The following L3MBTL3 variants were observed in gnomAD, a reference collection of about 807,000 sequenced individuals.
L3MBTL3 encodes L3MBTL histone methyl-lysine binding protein 3, also known as lethal(3)malignant brain tumor-like protein 3.
A neutral mutation model predicts 102.3 loss-of-function variants in L3MBTL3; 27 were observed. The ratio of observed to expected loss-of-function variants is 0.26; its 90% CI spans 0.19 to 0.36. The LOEUF (loss-of-function observed/expected upper bound fraction) is 0.36. Ranked by LOEUF, L3MBTL3 falls within the 10% of genes least tolerant of loss-of-function variation. The pLI, the probability that L3MBTL3 is intolerant of heterozygous loss-of-function variation, is 1.00. For synonymous variants in L3MBTL3, 340 were observed against 320.9 expected (o/e 1.06, Z -0.64); for missense variants, 798 against 955.3 (o/e 0.84, Z 2.17).
chr6:130,122,661 A>G (rs572702187), intron 20 of L3MBTL3, among the ~76,000 whole-genome samples: 1 of 152,248 alleles, frequency 6.6e-6, no homozygotes, highest in Non-Finnish European at 1.5e-5. Context: ...TATTTAATAT[A>G]TGAAGGTTTT....
In L3MBTL3 at chr6:130,076,469, AG is replaced by A. The variant is rs569744129; in HGVS notation, c.1245-2087del. On this transcript the variant is annotated intron_variant, in intron 13 of 22. Coordinates refer to ENST00000361794, the MANE Select transcript of L3MBTL3 (RefSeq NM_032438.4). ...TATAAGCATGGATTTTTTTTAAAATAGGTTATTTCTTTGGTTTCTGGCCCTT... is the reference window on the plus strand; with the variant it reads ...TATAAGCATGGATTTTTTTTAAAATAGTTATTTCTTTGGTTTCTGGCCCTT... 1.1e-4 allele frequency among the ~76,000 whole-genome samples: 17 copies of A among 152,222 alleles called. No homozygotes were observed. In the East Asian group the frequency reaches 3.3e-3, roughly 29 times the overall value.
chr6:130,109,717 C>T (rs1162094987), intron 19 of L3MBTL3, among the ~76,000 whole-genome samples: 1 of 152,138 alleles, frequency 6.6e-6, no homozygotes, highest in Non-Finnish European at 1.5e-5. Context: ...TTGATTAGAT[C>T]CCATTTGTCA....
At chr6:130,093,444 T>C (rs991407893) in intron 17 of L3MBTL3, among the ~76,000 whole-genome samples, 4 of 152,200 alleles carry the variant, frequency 2.6e-5, no homozygotes, top group African/African-American at 9.6e-5. Flanking sequence ...TTAAAAAATT[T>C]AGTGTACTTC....
chr6:130,054,314 G>A (rs1051865297), intron 7 of L3MBTL3, among the ~76,000 whole-genome samples: 5 of 152,172 alleles, frequency 3.3e-5, no homozygotes, highest in Non-Finnish European at 7.3e-5. Flanking sequence ...AACAAGAGTC[G>A]AGGGTGTTCA....
chr6:130,105,997 C>G (rs527460679), intron 19 of L3MBTL3, among the ~76,000 whole-genome samples: 77 of 152,268 alleles, frequency 5.1e-4, no homozygotes, highest in African/African-American at 1.7e-3. Context: ...GTTCTGTCTT[C>G]TGTTCACGTG....
chr6:130,060,718 T>G (rs1433898242), intron 10 of L3MBTL3, among the ~76,000 whole-genome samples: 5 of 151,502 alleles, frequency 3.3e-5, no homozygotes, highest in Non-Finnish European at 7.4e-5. Context: ...TTTTTTTTAG[T>G]ATTTTAAGGT....
intron 16 of L3MBTL3, 25 bp from the exon 17 acceptor site, chr6:130,092,720 C>T (rs1784135095): frequency 7.0e-7 from 1 of 1,433,996 alleles, no homozygotes; most frequent in East Asian, 2.3e-5. Flanking sequence ...TTAATTTGTA[C>T]TGTTAATGTC....
At chr6:130,042,039 A>G (rs551990413) in intron 2 of L3MBTL3, among the ~76,000 whole-genome samples, 8 of 152,330 alleles carry the variant, frequency 5.3e-5, no homozygotes, top group African/African-American at 1.4e-4. Context: ...TCAGTTGTCT[A>G]TGATACCAAC....
At chr6:130,127,507 A>G (rs957412067) in intron 20 of L3MBTL3, among the ~76,000 whole-genome samples, 2 of 152,238 alleles carry the variant, frequency 1.3e-5, no homozygotes, top group African/African-American at 4.8e-5. Context: ...TTTCTGATAC[A>G]GTACAGTGCT....
At chr6:130,120,616 G>T (rs891526582) in intron 19 of L3MBTL3, among the ~76,000 whole-genome samples, 2 of 152,180 alleles carry the variant, frequency 1.3e-5, no homozygotes, top group Admixed American at 6.6e-5. Flanking sequence ...TTATTCAATA[G>T]CTACATTTTC....
intron 4 of L3MBTL3, 177 bp from the exon 5 acceptor site, chr6:130,049,579 G>A: frequency 5.8e-6 from 4 of 694,118 alleles, no homozygotes; most frequent in South Asian, 3.7e-5. Flanking sequence ...ACTATAAACT[G>A]TCTTCTTTGT....
At chr6:130,106,660 G>A (rs938501904) in intron 19 of L3MBTL3, among the ~76,000 whole-genome samples, 6 of 152,114 alleles carry the variant, frequency 3.9e-5, no homozygotes, top group Non-Finnish European at 2.9e-5. Flanking sequence ...TACCATTGAG[G>A]TATGCAGCAA....
At chr6:130,101,844 C>T (rs1238989724) in intron 18 of L3MBTL3, among the ~76,000 whole-genome samples, 2 of 152,186 alleles carry the variant, frequency 1.3e-5, no homozygotes, top group East Asian at 3.8e-4. Context: ...GAATTAGGAT[C>T]CCGTGAAACA....
At chr6:130,134,754 G>C (rs9321212) in intron 22 of L3MBTL3, among the ~76,000 whole-genome samples, 36,814 of 152,096 alleles carry the variant, frequency 0.24, 5,496 homozygotes, top group Non-Finnish European at 0.34. Context: ...TACACAACTT[G>C]TTTGCCCCTA....
chr6:130,125,655 A>G (rs1042730888), intron 20 of L3MBTL3, among the ~76,000 whole-genome samples: 2 of 152,198 alleles, frequency 1.3e-5, no homozygotes, highest in African/African-American at 2.4e-5. Context: ...TAGTGAACCT[A>G]CAGGTGCCCA....
chr6:130,088,342 A>G (rs766264645), intron 16 of L3MBTL3, among the ~76,000 whole-genome samples: 1 of 152,210 alleles, frequency 6.6e-6, no homozygotes, highest in Non-Finnish European at 1.5e-5. Flanking sequence ...CTGAGAATAT[A>G]AAAAGCCTGC....
At chr6:130,049,023 C>T (rs4130903) in intron 3 of L3MBTL3, among the ~76,000 whole-genome samples, 8,726 of 151,680 alleles carry the variant, frequency 0.058, 362 homozygotes, top group Non-Finnish European at 0.093. Context: ...GCTGCCAGCT[C>T]TATAGGACAG....
At chr6:130,058,304 G>A (rs1562273908) in intron 9 of L3MBTL3, among the ~76,000 whole-genome samples, 2 of 152,040 alleles carry the variant, frequency 1.3e-5, no homozygotes, top group South Asian at 2.1e-4. Flanking sequence ...GATATCAGAT[G>A]TAGTTCTGAG....
intron 22 of L3MBTL3, among the ~76,000 whole-genome samples, chr6:130,136,874 TC>T (rs751649358): frequency 1.2e-4 from 18 of 152,146 alleles, no homozygotes; most frequent in Non-Finnish European, 2.4e-4. Context: ...GACTTCAGCC[TC>T]CCAAAGTGCT....
Sources: allele counts gnomAD v4.1 joint callset (sites outside exome capture counted in the v4.1 genomes callset), GRCh38; gene constraint gnomAD v4.1.1; transcripts MANE v1.5; gene names NCBI Gene and HGNC (gene_info 2026-07-23, HGNC 2026-07-21).